RASGRF2: variants seen among roughly 807,000 people sequenced by gnomAD.
The protein encoded by RASGRF2 is ras-specific guanine nucleotide-releasing factor 2.
Under a neutral mutation model 151.0 loss-of-function variants are expected in RASGRF2, and 76 were observed. The ratio of observed to expected loss-of-function variants is 0.50; its 90% CI spans 0.42 to 0.61. RASGRF2 has a LOEUF of 0.61. RASGRF2 is among the 20% of genes least tolerant of loss of function. The pLI is 0.00. For missense variants in RASGRF2, 1,148 were observed against 1,564.6 expected (o/e 0.73, Z 4.49); for synonymous variants, 504 against 566.5 (o/e 0.89, Z 1.57).
At chr5:81,154,109 T>C (rs1359706434) in intron 17 of RASGRF2, among the ~76,000 whole-genome samples, 1 of 152,132 alleles carries the variant, frequency 6.6e-6, no homozygotes. Flanking sequence ...TCAGCAATAA[T>C]AATTGTTAAC....
intron 18 of RASGRF2, among the ~76,000 whole-genome samples, chr5:81,189,546 A>G (rs1351439541): frequency 6.7e-6 from 1 of 149,464 alleles, no homozygotes; most frequent in Non-Finnish European, 1.5e-5. Context: ...GCTGGGGGGC[A>G]GTGGTGCGAT....
chr5:81,217,545 A>C (rs1435596657), intron 25 of RASGRF2, 72 bp downstream of exon 25: 2 of 1,080,616 alleles, frequency 1.9e-6, no homozygotes, highest in Non-Finnish European at 2.5e-6. Context: ...AAGTAATAAA[A>C]GTCAATGTCT....
chr5:80,987,333 G>A (rs1334769094), intron 1 of RASGRF2, among the ~76,000 whole-genome samples: 1 of 152,168 alleles, frequency 6.6e-6, no homozygotes, highest in African/African-American at 2.4e-5. Context: ...GTCCTTGCGG[G>A]CAGGAACCAC....
At chr5:81,211,601 T>C (rs935623924) in intron 22 of RASGRF2, among the ~76,000 whole-genome samples, 3 of 152,198 alleles carry the variant, frequency 2.0e-5, no homozygotes, top group Non-Finnish European at 2.9e-5. Flanking sequence ...CACTATGAGA[T>C]CTTAAGTGTC....
intron 2 of RASGRF2, among the ~76,000 whole-genome samples, chr5:81,057,335 A>G (rs1477630264): frequency 6.6e-6 from 1 of 152,104 alleles, no homozygotes; most frequent in Admixed American, 6.5e-5. Flanking sequence ...TGCTTCATAT[A>G]TACGTCCTCA....
intron 17 of RASGRF2, among the ~76,000 whole-genome samples, chr5:81,139,384 A>C (rs1230876391): frequency 9.5e-6 from 1 of 105,736 alleles, no homozygotes; most frequent in African/African-American, 3.2e-5. Context: ...TACGCCTTTC[A>C]TTTTCTTTCT....
intron 13 of RASGRF2, among the ~76,000 whole-genome samples, chr5:81,111,757 G>A (rs1040887034): frequency 2.0e-5 from 3 of 152,094 alleles, no homozygotes; most frequent in African/African-American, 7.2e-5. Context: ...TAAATAAAAA[G>A]AGCTGATTCT....
At chr5:80,992,656 G>A (rs549510205) in intron 1 of RASGRF2, among the ~76,000 whole-genome samples, 3 of 152,292 alleles carry the variant, frequency 2.0e-5, no homozygotes, top group Admixed American at 6.5e-5. Flanking sequence ...TATAGATTAA[G>A]CTTCATGAGG....
At chr5:81,048,294 A>ATTG (rs1257095396) in intron 2 of RASGRF2, among the ~76,000 whole-genome samples, 1 of 152,170 alleles carries the variant, frequency 6.6e-6, no homozygotes, top group Non-Finnish European at 1.5e-5. Flanking sequence ...TATTATTATT[A>ATTG]TTTGCTAAGA....
At chr5:81,034,620 T>A (rs1301173734) in intron 1 of RASGRF2, among the ~76,000 whole-genome samples, 1 of 151,422 alleles carries the variant, frequency 6.6e-6, no homozygotes, top group Non-Finnish European at 1.5e-5. Context: ...TATGCAGCCA[T>A]AAAAAATGAT....
intron 17 of RASGRF2, among the ~76,000 whole-genome samples, chr5:81,168,386 C>A (rs763961964): frequency 5.3e-5 from 8 of 149,754 alleles, no homozygotes; most frequent in Non-Finnish European, 8.9e-5. Flanking sequence ...CCTTGGCTCA[C>A]CACAACCTCC....
intron 17 of RASGRF2, among the ~76,000 whole-genome samples, chr5:81,173,586 C>T (rs1048182085): frequency 1.3e-5 from 2 of 152,180 alleles, no homozygotes; most frequent in African/African-American, 4.8e-5. Flanking sequence ...GGAAAATCTG[C>T]TTGTCTGCAC....
chr5:81,219,520 C>A, intron 25 of RASGRF2, 190 bp from the exon 26 acceptor site: 1 of 500,614 alleles, frequency 2.0e-6, no homozygotes, highest in South Asian at 3.4e-5. Context: ...TTGCTTTTGG[C>A]ATTTCATGTG....
chr5:81,033,767 G>C (rs1184414610), intron 1 of RASGRF2, among the ~76,000 whole-genome samples: 1 of 152,152 alleles, frequency 6.6e-6, no homozygotes, highest in African/African-American at 2.4e-5. Flanking sequence ...AACACCAAAA[G>C]CAATGGCAAC....
rs775168475 is a variant in RASGRF2 at position 81,113,889 on chromosome 5, G to A, written c.2439G>A (p.Leu813=). ...ATGTCGATAACCCACGCGTGGATCTGTGTAACAAGCTAAAACGAAGTATTC... is the reference window on the plus strand; with the variant it reads ...ATGTCGATAACCCACGCGTGGATCTATGTAACAAGCTAAAACGAAGTATTC... ...EENVDNPRVD[L]CNKLKRSIQK... is the part of the protein sequence containing the mutation. Residue 813 remains leucine (L), a synonymous_variant, in exon 15 of 27, where the codon CTG becomes CTA. Coordinates refer to ENST00000265080, the MANE Select transcript of RASGRF2 (RefSeq NM_006909.3). 17 of 1,614,044 alleles carry A rather than the reference G, an allele frequency of 1.1e-5. No individual in the cohort carries two copies. The highest frequency in any genetic ancestry group is 1.4e-5 in the Non-Finnish European group (16 of 1,179,968).
chr5:81,072,018 A>G (rs1751792221), intron 4 of RASGRF2, among the ~76,000 whole-genome samples: 1 of 152,190 alleles, frequency 6.6e-6, no homozygotes. Context: ...AATTTTTTAA[A>G]CCAATTTTTG....
intron 12 of RASGRF2, among the ~76,000 whole-genome samples, chr5:81,108,547 A>G (rs1752906021): frequency 6.6e-6 from 1 of 152,184 alleles, no homozygotes; most frequent in Non-Finnish European, 1.5e-5. Flanking sequence ...GATGAATTCC[A>G]TCCTAGGAAG....
At chr5:81,166,334 C>A (rs183903937) in intron 17 of RASGRF2, among the ~76,000 whole-genome samples, 1 of 152,080 alleles carries the variant, frequency 6.6e-6, no homozygotes, top group South Asian at 2.1e-4. Flanking sequence ...TTTACAGGCG[C>A]GTGCCACGAC....
intron 4 of RASGRF2, 30 bp downstream of exon 4, chr5:81,070,611 G>A: frequency 6.5e-7 from 1 of 1,537,158 alleles, no homozygotes; most frequent in Non-Finnish European, 9.0e-7. Context: ...AGCTTTGTAG[G>A]AGCATGGTGA....
Sources: allele counts gnomAD v4.1 joint callset (sites outside exome capture counted in the v4.1 genomes callset), GRCh38; gene constraint gnomAD v4.1.1; transcripts MANE v1.5; gene names NCBI Gene and HGNC (gene_info 2026-07-23, HGNC 2026-07-21).